C8orf34: variants seen among roughly 807,000 people sequenced by gnomAD.
C8orf34 encodes uncharacterized protein C8orf34.
In C8orf34, 65 loss-of-function variants were observed where a neutral mutation model predicts 68.3. The ratio of observed to expected loss-of-function variants is 0.95; its 90% CI spans 0.78 to 1.17. The LOEUF is 1.17. C8orf34 is among the 50% of genes most tolerant of loss of function. The probability of loss-of-function intolerance (pLI) is 0.00; values close to 1 mark genes in which losing one functional copy is unlikely to be tolerated. For missense variants in C8orf34, 664 were observed against 655.4 expected (o/e 1.01, Z -0.14); for synonymous variants, 244 against 241.2 (o/e 1.01, Z -0.11).
intron 5 of C8orf34, among the ~76,000 whole-genome samples, chr8:68,505,495 G>T (rs544381046): frequency 7.3e-6 from 1 of 137,358 alleles, no homozygotes; most frequent in East Asian, 2.0e-4. Context: ...ACTTTGGGAG[G>T]CCGAGGCGGG....
At chr8:68,705,456 GA>G (rs1821134536) in intron 8 of C8orf34, among the ~76,000 whole-genome samples, 1 of 152,092 alleles carries the variant, frequency 6.6e-6, no homozygotes, top group Admixed American at 6.6e-5. Context: ...ACAGCCTTAA[GA>G]ACAAATAGAG....
intron 7 of C8orf34, among the ~76,000 whole-genome samples, chr8:68,583,286 T>C (rs928532630): frequency 6.6e-6 from 1 of 152,120 alleles, no homozygotes; most frequent in African/African-American, 2.4e-5. Context: ...ATAGTACATA[T>C]ATTAGATGAC....
chr8:68,574,106 G>A (rs962940442), intron 7 of C8orf34, among the ~76,000 whole-genome samples: 6 of 151,998 alleles, frequency 3.9e-5, no homozygotes, highest in Admixed American at 2.0e-4. Flanking sequence ...ACTATCATAT[G>A]TTATGAATTG....
At chr8:68,392,432 A>G (rs182562316) in intron 1 of C8orf34, among the ~76,000 whole-genome samples, 1 of 151,934 alleles carries the variant, frequency 6.6e-6, no homozygotes, top group Non-Finnish European at 1.5e-5. Context: ...AAAACTCTGG[A>G]AGCAAAATAA....
chr8:68,382,833 G>T (rs190109051), intron 1 of C8orf34, among the ~76,000 whole-genome samples: 39 of 152,268 alleles, frequency 2.6e-4, no homozygotes, highest in Non-Finnish European at 4.1e-4. Flanking sequence ...GGTTGGAATA[G>T]AATTCTATTT....
intron 11 of C8orf34, among the ~76,000 whole-genome samples, chr8:68,784,168 G>A (rs1260704651): frequency 2.6e-5 from 4 of 152,044 alleles, no homozygotes; most frequent in African/African-American, 7.2e-5. Context: ...TTTCTTGGTT[G>A]TGACCCTTTC....
chr8:68,786,703 G>C (rs1198129662), intron 11 of C8orf34, among the ~76,000 whole-genome samples: 4 of 152,170 alleles, frequency 2.6e-5, no homozygotes, highest in African/African-American at 9.7e-5. Flanking sequence ...GACAAGTATG[G>C]ATCATGCAGG....
intron 7 of C8orf34, among the ~76,000 whole-genome samples, chr8:68,610,600 T>C (rs1474948855): frequency 6.6e-6 from 1 of 152,126 alleles, no homozygotes; most frequent in Non-Finnish European, 1.5e-5. Context: ...GTCTTAGGTA[T>C]CTACTAAGCT....
intron 10 of C8orf34, among the ~76,000 whole-genome samples, chr8:68,767,846 C>T (rs1175379224): frequency 6.6e-6 from 1 of 152,134 alleles, no homozygotes; most frequent in African/African-American, 2.4e-5. Flanking sequence ...ATTTTATCAT[C>T]TTAGCAGCCA....
Position 68,721,435 on chromosome 8 carries a change from C to A in C8orf34, c.1402C>A (p.Pro468Thr). 2.5e-6 allele frequency: 4 copies of A among 1,596,146 alleles called. No homozygotes were observed. The highest frequency in any genetic ancestry group is 3.4e-6 in the Non-Finnish European group (4 of 1,166,120). The change falls in exon 10 of 14, where the codon CCT becomes ACT. Residue 468 changes from proline to threonine, a missense_variant and splice_region_variant. Coordinates refer to ENST00000518698, the MANE Select transcript of C8orf34 (RefSeq NM_052958.4). ...EFEKASKLTG[P>T]GEASSGVGHS... ...TGAGAAAGCATCTAAACTAACAGGA[C>A]CTGTAAGTATATTCATTGACTTATT...
chr8:68,618,377 G>T (rs889939259), intron 7 of C8orf34, among the ~76,000 whole-genome samples: 8 of 151,916 alleles, frequency 5.3e-5, no homozygotes, highest in Non-Finnish European at 8.8e-5. Context: ...TTGAAGATAG[G>T]GTCTTTCTCT....
At chr8:68,513,919 C>T (rs375430885) in intron 5 of C8orf34, among the ~76,000 whole-genome samples, 4 of 152,206 alleles carry the variant, frequency 2.6e-5, no homozygotes, top group Admixed American at 1.3e-4. Context: ...GTATGGTTTC[C>T]GCTATCCTCA....
chr8:68,640,231 A>G, intron 7 of C8orf34, 145 bp from the exon 8 acceptor site: 2 of 671,852 alleles, frequency 3.0e-6, no homozygotes, highest in Non-Finnish European at 5.0e-6. Flanking sequence ...TTGAAAAATA[A>G]TTGATATATG....
intron 10 of C8orf34, among the ~76,000 whole-genome samples, chr8:68,766,430 A>AT (rs1489868072): frequency 2.6e-5 from 4 of 152,196 alleles, no homozygotes; most frequent in African/African-American, 7.2e-5. Flanking sequence ...AAATCTATTG[A>AT]TTTTTTTAAA....
chr8:68,540,135 A>AT (rs558144202), intron 7 of C8orf34, among the ~76,000 whole-genome samples: 1 of 152,090 alleles, frequency 6.6e-6, no homozygotes, highest in South Asian at 2.1e-4. Context: ...AATATTAAAT[A>AT]TTTTTTTAAA....
chr8:68,711,954 T>C (rs1305875489), intron 9 of C8orf34, among the ~76,000 whole-genome samples: 1 of 152,120 alleles, frequency 6.6e-6, no homozygotes, highest in East Asian at 1.9e-4. Context: ...AGGTAACCTA[T>C]AAAGGAAAAC....
rs968800060 is a variant in C8orf34 at position 68,774,357 on chromosome 8, C to CA, written c.1405-2035dup. Among the ~76,000 whole-genome samples, 47 of 112,820 alleles carry CA rather than the reference C, an allele frequency of 4.2e-4. 2 individuals carry two copies. Among genetic ancestry groups the CA allele is most frequent in the Admixed American group, 1.5e-3 (19 of 12,428 alleles). The allele number at this position is 112,820 out of a possible 152,430, so 74.0% of individuals were successfully genotyped here. On this transcript the variant is annotated intron_variant, in intron 10 of 13. Coordinates refer to ENST00000518698, the MANE Select transcript of C8orf34 (RefSeq NM_052958.4). ...TATATATATATATATATAAAATAAA[C>CA]AAAAAAATAAACAGTTTATCTGAAA...
At chr8:68,494,950 G>A (rs2129632128) in intron 5 of C8orf34, among the ~76,000 whole-genome samples, 1 of 151,238 alleles carries the variant, frequency 6.6e-6, no homozygotes, top group East Asian at 1.9e-4. Flanking sequence ...TTGTGTGCGT[G>A]TATATGTATA....
At chr8:68,646,425 C>G (rs1381485411) in intron 8 of C8orf34, among the ~76,000 whole-genome samples, 5 of 151,898 alleles carry the variant, frequency 3.3e-5, no homozygotes, top group Admixed American at 1.3e-4. Context: ...TTAAATCAAG[C>G]AAGTTAACAA....
Sources: allele counts gnomAD v4.1 joint callset (sites outside exome capture counted in the v4.1 genomes callset), GRCh38; gene constraint gnomAD v4.1.1; transcripts MANE v1.5; gene names NCBI Gene and HGNC (gene_info 2026-07-23, HGNC 2026-07-21).